EVL: variants seen among roughly 807,000 people sequenced by gnomAD.
EVL encodes the protein ena/VASP-like protein.
EVL carries 21 observed loss-of-function variants against 59.6 expected under a neutral mutation model. The ratio of observed to expected loss-of-function variants is 0.35; its 90% confidence interval spans 0.25 to 0.51. The LOEUF (loss-of-function observed/expected upper bound fraction) is 0.51, where lower values mean the gene tolerates loss of function less well. Ranked by LOEUF, EVL falls within the 20% of genes least tolerant of loss-of-function variation. The pLI, the probability that EVL is intolerant of heterozygous loss-of-function variation, is 0.97. For missense variants in EVL, 462 were observed against 546.6 expected (o/e 0.85, Z 1.54); for synonymous variants, 198 against 203.5 (o/e 0.97, Z 0.23).
intron 1 of EVL, among the ~76,000 whole-genome samples, chr14:99,975,680 G>C (rs1286631613): frequency 6.6e-6 from 1 of 152,144 alleles, no homozygotes; most frequent in Non-Finnish European, 1.5e-5. Context: ...GCTTCTATGA[G>C]AATCTAATAC....
intron 1 of EVL, among the ~76,000 whole-genome samples, chr14:100,035,522 C>A (rs56151959): frequency 0.11 from 16,101 of 151,930 alleles, 1,358 homozygotes; most frequent in Admixed American, 0.24. Flanking sequence ...TGCCGTTTTG[C>A]ATACCAGTGT....
At position 100,006,015 on chromosome 14, in the gene EVL, C is replaced by CG. The variant is rs1460432595; in HGVS notation, c.5+33958_5+33959insG. Among the ~76,000 whole-genome samples, 8 of 150,474 alleles carry CG rather than the reference C, an allele frequency of 5.3e-5. No homozygotes were observed. The East Asian group carries it at 1.2e-3, about 23-fold the overall frequency. On this transcript the variant is annotated intron_variant, in intron 1 of 13. Transcript: ENST00000402714. ...TCCCCTTTTGCTGGCCATTTCCCCCCCCCCCCCCACACCGACAACACTTTT... is the reference window on the plus strand; with the variant it reads ...TCCCCTTTTGCTGGCCATTTCCCCCCGCCCCCCCCACACCGACAACACTTTT...
chr14:100,120,638 G>C (rs565594093), intron 3 of EVL, among the ~76,000 whole-genome samples: 23 of 152,208 alleles, frequency 1.5e-4, no homozygotes, highest in Non-Finnish European at 3.1e-4. Flanking sequence ...AGAGAGACAG[G>C]AAGCATGGTG....
chr14:100,018,826 C>G (rs2061074363), intron 1 of EVL, among the ~76,000 whole-genome samples: 1 of 152,214 alleles, frequency 6.6e-6, no homozygotes, highest in Admixed American at 6.5e-5. Context: ...ACAACCTCAG[C>G]TCATTTGCCA....
intron 1 of EVL, among the ~76,000 whole-genome samples, chr14:99,997,340 T>C (rs1162200592): frequency 6.6e-6 from 1 of 152,274 alleles, no homozygotes; most frequent in Admixed American, 6.5e-5. Context: ...TTTCTCTTGC[T>C]CAGTTGTTCT....
At chr14:100,121,833 A>G (rs1887718591) in intron 3 of EVL, among the ~76,000 whole-genome samples, 1 of 152,248 alleles carries the variant, frequency 6.6e-6, no homozygotes, top group Non-Finnish European at 1.5e-5. Context: ...CAGACACAGA[A>G]GGATCTTGCG....
At chr14:100,137,543 C>T (rs372784901) in intron 9 of EVL, 35 bp from the exon 10 acceptor site, 59 of 1,610,918 alleles carry the variant, frequency 3.7e-5, no homozygotes, top group Non-Finnish European at 4.5e-5. Context: ...GTCCCTTCAC[C>T]TGTGAGGTTC....
intron 2 of EVL, among the ~76,000 whole-genome samples, chr14:100,093,340 C>T (rs187650916): frequency 3.2e-4 from 49 of 152,306 alleles, no homozygotes; most frequent in African/African-American, 1.2e-3. Context: ...ATATTATCTT[C>T]ATCTTACATG....
chr14:99,992,501 A>G (rs1379181894), intron 1 of EVL, among the ~76,000 whole-genome samples: 1 of 152,148 alleles, frequency 6.6e-6, no homozygotes, highest in East Asian at 1.9e-4. Flanking sequence ...TCAGGACATC[A>G]TTGTCAAATC....
intron 1 of EVL, among the ~76,000 whole-genome samples, chr14:100,082,840 G>C (rs1265646466): frequency 6.6e-6 from 1 of 152,216 alleles, no homozygotes; most frequent in African/African-American, 2.4e-5. Context: ...CCAAACCAAG[G>C]CTTCCCCCAC....
At chr14:100,091,644 C>G (rs2062566909) in intron 2 of EVL, among the ~76,000 whole-genome samples, 1 of 152,068 alleles carries the variant, frequency 6.6e-6, no homozygotes, top group Non-Finnish European at 1.5e-5. Context: ...TTTCTTATGC[C>G]CTTTATTAAG....
intron 6 of EVL, among the ~76,000 whole-genome samples, 174 bp downstream of exon 6, chr14:100,128,922 T>G (rs1471198683): frequency 6.6e-6 from 1 of 152,244 alleles, no homozygotes; most frequent in Non-Finnish European, 1.5e-5. Flanking sequence ...GACAGCACTT[T>G]GAAATTATGA....
At chr14:99,992,666 CTGTT>C (rs1197226468) in intron 1 of EVL, among the ~76,000 whole-genome samples, 4 of 152,184 alleles carry the variant, frequency 2.6e-5, no homozygotes, top group East Asian at 1.9e-4. Flanking sequence ...TTTCCTAACA[CTGTT>C]TGTTGAAAAG....
At chr14:100,111,565 T>C (rs976817155) in intron 3 of EVL, among the ~76,000 whole-genome samples, 4 of 152,150 alleles carry the variant, frequency 2.6e-5, no homozygotes, top group African/African-American at 4.8e-5. Context: ...GCACAGTGAA[T>C]GCAAGTTGTT....
chr14:100,049,805 C>G (rs535094385), intron 1 of EVL, among the ~76,000 whole-genome samples: 8 of 152,304 alleles, frequency 5.3e-5, no homozygotes, highest in African/African-American at 1.9e-4. Flanking sequence ...CAGTCTCCCC[C>G]AGCCTCTCCT....
intron 1 of EVL, among the ~76,000 whole-genome samples, chr14:100,023,229 C>T (rs1486823342): frequency 2.0e-5 from 3 of 146,596 alleles, no homozygotes; most frequent in African/African-American, 7.7e-5. Context: ...TTTTGGAACA[C>T]AGTCTCACTT....
chr14:100,133,384 TAA>T (rs1888563727), intron 8 of EVL, among the ~76,000 whole-genome samples: 1 of 152,242 alleles, frequency 6.6e-6, no homozygotes, highest in Non-Finnish European at 1.5e-5. Flanking sequence ...CTGACAGGGC[TAA>T]GTTTAGCCTT....
At chr14:99,990,760 A>C (rs2060870474) in intron 1 of EVL, among the ~76,000 whole-genome samples, 1 of 152,142 alleles carries the variant, frequency 6.6e-6, no homozygotes, top group Non-Finnish European at 1.5e-5. Flanking sequence ...TTCATTCGTC[A>C]GTGGAATTTG....
At chr14:100,120,191 A>G (rs549932606) in intron 3 of EVL, among the ~76,000 whole-genome samples, 19 of 152,132 alleles carry the variant, frequency 1.2e-4, no homozygotes, top group African/African-American at 3.9e-4. Context: ...TCTAATCCCT[A>G]TATCTCCGTG....
Sources: gnomAD v4.1 joint callset for allele counts (sites outside exome capture counted in the v4.1 genomes callset) on GRCh38, gnomAD v4.1.1 for gene constraint, MANE v1.5 for transcripts, NCBI Gene and HGNC (gene_info 2026-07-23, HGNC 2026-07-21) for gene names.